Variants in APOB observed in about 807,000 individuals in gnomAD.
APOB encodes the protein apolipoprotein B, also known as apolipoprotein B-100.
A neutral mutation model predicts 314.1 loss-of-function variants in APOB; 153 were observed. The ratio of observed to expected loss-of-function variants is 0.49; its 90% CI spans 0.43 to 0.56. The LOEUF (loss-of-function observed/expected upper bound fraction) is 0.56, where lower values mean the gene tolerates loss of function less well. APOB is among the 20% of genes least tolerant of loss of function. The probability of loss-of-function intolerance (pLI) is 0.00; values close to 1 mark genes in which losing one functional copy is unlikely to be tolerated. For missense variants in APOB, 5,430 were observed against 5,350.7 expected, an observed-to-expected ratio of 1.01 and a Z score of -0.46; for synonymous variants, 2,087 against 2,036.4, an observed-to-expected ratio of 1.02 and a Z score of -0.67.
chr2:21,006,109 C>T lies in APOB; in HGVS notation c.10759G>A (p.Ala3587Thr), dbSNP rs1663129787. ...FFTNGEHTSK[A>T]TLELSPWQMS... The stretch of plus-strand genomic sequence containing the variant: ...TGCCATGGAGAGAGTTCCAGGGTGG[C>T]TTTGCTTGTATGTTCTCCGTTGGTG... Residue 3587 changes from alanine to threonine, a missense_variant, in exon 26 of 29, where the codon GCC becomes ACC. Ala to Thr is a moderately conservative substitution (Grantham distance 58). Around this residue, in one of 3 missense-constraint regions of APOB, gnomAD observed 3,281 missense variants for 3,171.0 expected, o/e 1.03. Coordinates refer to ENST00000233242, the MANE Select transcript of APOB (RefSeq NM_000384.3). The T allele has an allele frequency of 1.2e-6, 2 of 1,613,808 alleles. No individual in the cohort carries two copies. Among genetic ancestry groups the T allele is most frequent in the Non-Finnish European group, 1.7e-6 (2 of 1,179,938 alleles).
In APOB at chr2:21,027,943, G is replaced by A. The variant is rs1331412458; in HGVS notation, c.1952C>T (p.Ala651Val). 1 of 1,613,838 alleles carries A rather than the reference G, an allele frequency of 6.2e-7. No homozygotes were observed. Among genetic ancestry groups the A allele is most frequent in the African/African-American group, 1.3e-5 (1 of 74,914 alleles). ...AAGATTCCCTTCTATTTTGGCTGAG[G>A]CTGGGTCAAGTGATGGAAGAGAAAC... ...KSVSLPSLDP[A>V]SAKIEGNLIF... The change falls in exon 14 of 29, where the codon GCC (alanine) becomes GTC (valine). Residue 651 changes from alanine (A) to valine (V), a missense_variant. Around this residue, in one of 3 missense-constraint regions of APOB, gnomAD observed 2,085 missense variants for 2,079.7 expected, o/e 1.00. Coordinates refer to ENST00000233242, the MANE Select transcript of APOB (RefSeq NM_000384.3).
chr2:21,008,273 AT>A lies in APOB; in HGVS notation c.8594del (p.Asn2865IlefsTer9). On this transcript the variant is annotated frameshift_variant, in exon 26 of 29. Transcript: ENST00000233242. LOFTEE classifies it high-confidence loss of function. ...NTVASLHTEK[N>X]TLELSNGVIV... is the part of the protein sequence containing the mutation. ...TCACTCCATTACTAAGCTCCAGTGT[AT>A]TTTTTTCTGTGTGTAAACTTGCCAC... is the stretch of plus-strand genomic sequence containing the variant. 1 of 1,613,584 alleles carries A rather than the reference AT, an allele frequency of 6.2e-7. No homozygotes were observed. The highest frequency in any genetic ancestry group is 8.5e-7 in the Non-Finnish European group (1 of 1,179,828).
chr2:21,026,168 T>A (rs999381445), intron 15 of APOB, among the ~76,000 whole-genome samples: 1 of 152,164 alleles, frequency 6.6e-6, no homozygotes, highest in Non-Finnish European at 1.5e-5. Context: ...CAGAAACAGA[T>A]ACACATAATA....
intron 18 of APOB, among the ~76,000 whole-genome samples, chr2:21,020,139 C>T (rs1294271023): frequency 6.6e-6 from 1 of 152,172 alleles, no homozygotes; most frequent in Non-Finnish European, 1.5e-5. Flanking sequence ...TACCTGTAAT[C>T]CCCACAACAG....
Position 21,028,485 on chromosome 2 carries a change from C to T in APOB, c.1671G>A (p.Lys557=). ...TFLDDASPGD[K]RLAAYLMLMR... is the part of the protein sequence containing the mutation. ...TCAACATAAGATAGGCAGCCAGTCGCTTATCTCCCGGAGAAGCATCATCAA... is the reference window on the plus strand; with the variant it reads ...TCAACATAAGATAGGCAGCCAGTCGTTTATCTCCCGGAGAAGCATCATCAA... Residue 557 remains lysine, a synonymous_variant, in exon 13 of 29, where the codon AAG becomes AAA. Transcript: ENST00000233242. 1.2e-6 allele frequency: 2 copies of T among 1,614,036 alleles called. No individual in the cohort carries two copies. The highest frequency in any genetic ancestry group is 2.2e-5 in the South Asian group (2 of 91,084).
chr2:21,008,801 T>C lies in APOB; in HGVS notation c.8067A>G (p.Pro2689=). 1 of 1,614,078 alleles carries C rather than the reference T, an allele frequency of 6.2e-7. No homozygotes were observed. Among genetic ancestry groups the C allele is most frequent in the Non-Finnish European group, 8.5e-7 (1 of 1,179,962 alleles). Residue 2689 remains proline, a synonymous_variant, in exon 26 of 29, where the codon CCA becomes CCG. Transcript: ENST00000233242. ...CCTTCAGATCCCTGAGATATATATCTGGAACGGGCCACTGCAGCTCACTGT... is the reference window on the plus strand; with the variant it reads ...CCTTCAGATCCCTGAGATATATATCCGGAACGGGCCACTGCAGCTCACTGT... ...MLNSELQWPV[P]DIYLRDLKVE...
intron 23 of APOB, 23 bp downstream of exon 23, chr2:21,015,050 T>C: frequency 1.2e-6 from 2 of 1,608,316 alleles, no homozygotes; most frequent in Non-Finnish European, 1.7e-6. Flanking sequence ...CATGTATTTA[T>C]TGACTGGCAG....
intron 18 of APOB, among the ~76,000 whole-genome samples, chr2:21,020,512 C>T (rs1663580904): frequency 6.6e-6 from 1 of 152,206 alleles, no homozygotes; most frequent in African/African-American, 2.4e-5. Context: ...GCTCCTACAT[C>T]CAATGGGCAT....
Position 21,026,687 on chromosome 2 carries a change from T to C in APOB, c.2244+101A>G, listed in dbSNP as rs1663738653. The C allele has an allele frequency of 1.0e-5, 10 of 994,132 alleles. No homozygotes were observed. The South Asian group carries it at 1.3e-4, about 13-fold the overall frequency. 61.6% of individuals were successfully genotyped at this position (994,132 alleles called of 1,614,324 possible). A position where few individuals can be genotyped will look rare whatever the true frequency, so the allele number is the denominator to read the frequency against. Reference sequence around the variant, plus strand: ...GGTTGATAAAAACCATAGTTATCCCTTCAGTTAGATAGTATTTTGAGGACT... The same window carrying C: ...GGTTGATAAAAACCATAGTTATCCCCTCAGTTAGATAGTATTTTGAGGACT... On this transcript the variant is annotated intron_variant, in intron 15 of 28. Coordinates refer to ENST00000233242, the MANE Select transcript of APOB (RefSeq NM_000384.3).
At position 21,029,947 on chromosome 2, in the gene APOB, A is replaced by G; in HGVS notation, c.1421T>C (p.Ile474Thr). Residue 474 changes from isoleucine (I) to threonine (T), a missense_variant, in exon 11 of 29, where the codon ATT becomes ACT. By Grantham distance (89) the Ile-to-Thr change is moderately conservative. Coordinates refer to ENST00000233242, the MANE Select transcript of APOB (RefSeq NM_000384.3). The stretch of plus-strand genomic sequence containing the variant: ...TTCATCCCCAGTGCAGTCATCTTGA[A>G]TCTGTTCCATCAGGTAATTAGCAAT... ...LDIANYLMEQ[I>T]QDDCTGDEDY... 1 of 1,614,128 alleles carries G rather than the reference A, an allele frequency of 6.2e-7. No individual in the cohort carries two copies. Among genetic ancestry groups the G allele is most frequent in the Non-Finnish European group, 8.5e-7 (1 of 1,179,994 alleles).
Position 21,013,156 on chromosome 2 carries a change from T to C in APOB, c.4216+4A>G, listed in dbSNP as rs886055588. 2 of 1,613,356 alleles carry C rather than the reference T, an allele frequency of 1.2e-6. No homozygotes were observed. Among genetic ancestry groups the C allele is most frequent in the East Asian group, 4.5e-5 (2 of 44,896 alleles). ...GGTGCACCCTTTACCTGAGCATAGCTCACCTTGCACATTGTAGGAAAGCAG... is the reference window on the plus strand; with the variant it reads ...GGTGCACCCTTTACCTGAGCATAGCCCACCTTGCACATTGTAGGAAAGCAG... On this transcript the variant is annotated splice_donor_region_variant and intron_variant, in intron 25 of 28. Transcript: ENST00000233242.
chr2:21,002,387 A>G lies in APOB; in HGVS notation c.13035T>C (p.Phe4345=). ...GGCATAGGTTTTCTTTCAACAATTTAAAAACATATGGGATATAATCACTGA... is the reference window on the plus strand; with the variant it reads ...GGCATAGGTTTTCTTTCAACAATTTGAAAACATATGGGATATAATCACTGA... ...TIFSDYIPYV[F]KLLKENLCLN... is the part of the protein sequence containing the mutation. Residue 4345 remains phenylalanine (F), a synonymous_variant, in exon 29 of 29, where the codon TTT becomes TTC. Coordinates refer to ENST00000233242, the MANE Select transcript of APOB (RefSeq NM_000384.3). The G allele has an allele frequency of 6.2e-7, 1 of 1,600,892 alleles. No homozygotes were observed. The highest frequency in any genetic ancestry group is 1.1e-5 in the South Asian group (1 of 88,538).
chr2:21,025,359 TAGTAAGATGTGGTGGGATGAGAGG>T (rs999058847), intron 15 of APOB, among the ~76,000 whole-genome samples: 55 of 152,196 alleles, frequency 3.6e-4, no homozygotes, highest in Admixed American at 3.1e-3. Flanking sequence ...TCTGTAGACA[TAGTAAGATGTGGTGGGATGAGAGG>T]AGGGGTCCCT....
Position 21,016,575 on chromosome 2 carries a change from T to A in APOB, c.3196A>T (p.Ile1066Phe). The change falls in exon 21 of 29, where the codon ATT (isoleucine) becomes TTT (phenylalanine). Residue 1066 changes from isoleucine (I) to phenylalanine (F), a missense_variant. By Grantham distance (21) the Ile-to-Phe change is conservative (BLOSUM62 0). Around this residue, in one of 3 missense-constraint regions of APOB, gnomAD observed 2,085 missense variants for 2,079.7 expected, o/e 1.00. Coordinates refer to ENST00000233242, the MANE Select transcript of APOB (RefSeq NM_000384.3). ...CCGAGGTCAACATCAAAATCCGGAA[T>A]TTGGACTTCACTGGACAAGGTCATA... ...QSMTLSSEVQIPDFDVDLGTI... is the reference protein window; with the variant it reads ...QSMTLSSEVQFPDFDVDLGTI... 1 of 1,612,264 alleles carries A rather than the reference T, an allele frequency of 6.2e-7. No individual in the cohort carries two copies. Among genetic ancestry groups the A allele is most frequent in the African/African-American group, 1.3e-5 (1 of 74,986 alleles).
chr2:21,015,944 G>A (rs1346923394), intron 21 of APOB, among the ~76,000 whole-genome samples: 1 of 152,146 alleles, frequency 6.6e-6, no homozygotes, highest in African/African-American at 2.4e-5. Context: ...TGAATAGTAA[G>A]TGCCTGATAA....
At position 21,042,469 on chromosome 2, in the gene APOB, C is replaced by A; in HGVS notation, c.129G>T (p.Ala43=). 6.2e-7 allele frequency: 1 copy of A among 1,613,886 alleles called. No individual in the cohort carries two copies. The highest frequency in any genetic ancestry group is 1.1e-5 in the South Asian group (1 of 91,062). Residue 43 remains alanine, a synonymous_variant, in exon 3 of 29, where the codon GCG becomes GCT. Coordinates refer to ENST00000233242, the MANE Select transcript of APOB (RefSeq NM_000384.3). ...ACTTCCGGAGGTGCTTGAATCGGGTCGCATCTTCTAACGTGGGGAGAAATA... is the reference window on the plus strand; with the variant it reads ...ACTTCCGGAGGTGCTTGAATCGGGTAGCATCTTCTAACGTGGGGAGAAATA... The part of the protein sequence containing the change: ...ENVSLVCPKD[A]TRFKHLRKYT...
Position 21,010,141 on chromosome 2 carries a change from T to C in APOB, c.6727A>G (p.Ser2243Gly). ...IENIDFNKSG[S>G]STASWIQNVD... ...TTTTGAATCCAGGATGCAGTACTAC[T>C]TCCACTTTTGTTAAAATCAATATTT... Residue 2243 changes from serine (S) to glycine (G), a missense_variant, in exon 26 of 29, where the codon AGT (serine) becomes GGT (glycine). Ser to Gly is a moderately conservative substitution (Grantham distance 56). Transcript: ENST00000233242. 1.2e-6 allele frequency: 2 copies of C among 1,607,022 alleles called. No homozygotes were observed. Among genetic ancestry groups the C allele is most frequent in the Non-Finnish European group, 1.7e-6 (2 of 1,175,402 alleles).
At position 21,006,495 on chromosome 2, in the gene APOB, A is replaced by G; in HGVS notation, c.10373T>C (p.Met3458Thr). 6.2e-7 allele frequency: 1 copy of G among 1,614,142 alleles called. No individual in the cohort carries two copies. The highest frequency in any genetic ancestry group is 8.5e-7 in the Non-Finnish European group (1 of 1,179,974). The part of the protein sequence containing the change: ...TKSKPTVSSS[M>T]EFKYDFNSSM... Reference sequence around the variant, plus strand: ...AGAATTGAAATCATACTTAAATTCCATGGAGGAAGAGACAGTAGGTTTTGA... The same window carrying G: ...AGAATTGAAATCATACTTAAATTCCGTGGAGGAAGAGACAGTAGGTTTTGA... The change falls in exon 26 of 29, where the codon ATG (methionine) becomes ACG (threonine). Residue 3458 changes from methionine to threonine, a missense_variant. Coordinates refer to ENST00000233242, the MANE Select transcript of APOB (RefSeq NM_000384.3).
Position 21,004,689 on chromosome 2 carries a change from A to G in APOB, c.11789-14T>C, listed in dbSNP as rs1166647800. The G allele has an allele frequency of 4.4e-6, 7 of 1,579,324 alleles. No individual in the cohort carries two copies. The highest frequency in any genetic ancestry group is 1.7e-6 in the Non-Finnish European group (2 of 1,148,764). ...GTGTTCCCAAAACTGTATAGGAGAG[A>G]TTTTGTATTTTATTAGATTCATAAC... On this transcript the variant is annotated splice_polypyrimidine_tract_variant and intron_variant, in intron 26 of 28. Transcript: ENST00000233242.
Sources: allele counts gnomAD v4.1 joint callset (sites outside exome capture counted in the v4.1 genomes callset), GRCh38; gene constraint gnomAD v4.1.1; regional missense constraint gnomAD v4.1.1; transcripts MANE v1.5; gene names NCBI Gene and HGNC (gene_info 2026-07-23, HGNC 2026-07-21).